Variants in MAPK6 observed in about 807,000 individuals in gnomAD.
MAPK6 encodes the protein mitogen-activated protein kinase 6.
A neutral mutation model predicts 59.3 loss-of-function variants in MAPK6; 19 were observed. The ratio of observed to expected loss-of-function variants is 0.32; its 90% CI spans 0.22 to 0.47. The LOEUF is 0.47. Ranked by LOEUF, MAPK6 falls within the 20% of genes least tolerant of loss-of-function variation. The pLI is 1.00. For synonymous variants in MAPK6, 316 were observed against 290.3 expected (o/e 1.09, Z -0.90); for missense variants, 724 against 847.9 (o/e 0.85, Z 1.81).
chr15:52,033,534 G>A (rs890063350), intron 1 of MAPK6, among the ~76,000 whole-genome samples: 5 of 152,142 alleles, frequency 3.3e-5, no homozygotes, highest in East Asian at 1.9e-4. Context: ...GGTCTGTCGG[G>A]GGTTCTCCAG....
chr15:51,988,210 A>C (rs987296815), intron 2 of MAPK6, among the ~76,000 whole-genome samples: 1 of 152,198 alleles, frequency 6.6e-6, no homozygotes, highest in African/African-American at 2.4e-5. Context: ...TCCAACATCT[A>C]AGGAAACTGA....
chr15:52,001,428 G>A (rs1400382242), intron 2 of MAPK6, among the ~76,000 whole-genome samples: 6 of 151,810 alleles, frequency 4.0e-5, no homozygotes, highest in African/African-American at 1.5e-4. Flanking sequence ...CCTTTTGCTA[G>A]TACCACACTT....
intron 3 of MAPK6, among the ~76,000 whole-genome samples, chr15:52,053,448 T>G (rs751027163): frequency 2.0e-5 from 3 of 152,208 alleles, no homozygotes; most frequent in Non-Finnish European, 4.4e-5. Flanking sequence ...CTATTGCCCA[T>G]TTTTTAAATT....
chr15:52,020,558 T>C (rs949521938), intron 1 of MAPK6, among the ~76,000 whole-genome samples: 1 of 152,194 alleles, frequency 6.6e-6, no homozygotes, highest in African/African-American at 2.4e-5. Flanking sequence ...TGATGGCTGA[T>C]TCTTCTAGCC....
intron 1 of MAPK6, among the ~76,000 whole-genome samples, chr15:51,978,097 A>G (rs2057162251): frequency 6.6e-6 from 1 of 151,716 alleles, no homozygotes; most frequent in African/African-American, 2.4e-5. Context: ...AGGAAAACCA[A>G]CAATGGAAAG....
chr15:51,974,448 A>C (rs1223304742), intron 1 of MAPK6, among the ~76,000 whole-genome samples: 1 of 151,138 alleles, frequency 6.6e-6, no homozygotes, highest in Admixed American at 6.6e-5. Context: ...CAAGGTCAGG[A>C]GATCGAGACC....
At position 52,064,904 on chromosome 15, in the gene MAPK6, T is replaced by C; in HGVS notation, c.2070T>C (p.Leu690=). Residue 690 remains leucine, a synonymous_variant, in exon 6 of 6, where the codon CTT becomes CTC. Coordinates refer to ENST00000261845, the MANE Select transcript of MAPK6 (RefSeq NM_002748.4). The stretch of plus-strand genomic sequence containing the variant: ...TTCACAGTCCAGTTGGGTCACCACT[T>C]AAGTCAATACAGGCCACATTAACAC... ...PQFHSPVGSP[L]KSIQATLTPS... is the part of the protein sequence containing the mutation. 1 of 1,611,960 alleles carries C rather than the reference T, an allele frequency of 6.2e-7. No homozygotes were observed. Among genetic ancestry groups the C allele is most frequent in the South Asian group, 1.1e-5 (1 of 90,980 alleles).
At chr15:52,034,265 G>A (rs888115345) in intron 1 of MAPK6, among the ~76,000 whole-genome samples, 5 of 151,776 alleles carry the variant, frequency 3.3e-5, no homozygotes, top group South Asian at 2.1e-4. Flanking sequence ...GATTATAGGC[G>A]TGAGCCACCA....
intron 2 of MAPK6, among the ~76,000 whole-genome samples, chr15:52,048,230 A>G (rs894117326): frequency 1.4e-4 from 21 of 151,828 alleles, no homozygotes; most frequent in South Asian, 2.1e-4. Flanking sequence ...GCTCATTGCA[A>G]CCTCCGCCTC....
At chr15:52,047,539 T>C (rs4542605) in intron 2 of MAPK6, among the ~76,000 whole-genome samples, 124,925 of 151,996 alleles carry the variant, frequency 0.82, 51,805 homozygotes, top group Non-Finnish European at 0.86. Context: ...GTAGACAGGG[T>C]TTCACCGTGT....
intron 2 of MAPK6, among the ~76,000 whole-genome samples, chr15:52,003,405 T>C (rs1216249988): frequency 1.8e-4 from 27 of 152,156 alleles, no homozygotes; most frequent in African/African-American, 4.8e-5. Context: ...ACTTCTGCCT[T>C]GATCAGTCAT....
chr15:52,062,028 T>C (rs576087665), intron 5 of MAPK6, among the ~76,000 whole-genome samples: 56 of 147,204 alleles, frequency 3.8e-4, no homozygotes, highest in Admixed American at 6.7e-4. Flanking sequence ...GGTAGTTATA[T>C]CTTAACATAA....
chr15:52,047,050 A>C, intron 2 of MAPK6, 35 bp downstream of exon 2: 1 of 1,427,412 alleles, frequency 7.0e-7, no homozygotes, highest in Non-Finnish European at 9.4e-7. Flanking sequence ...CAGATCTTTA[A>C]ACTGATACAC....
At position 52,065,589 on chromosome 15, in the gene MAPK6, TAATA is replaced by T. The variant is rs2141140586; in HGVS notation, c.*592_*595del. ...AGCGTTTATTGTAGTAAACTATTCT[TAATA>T]AAACTCACTCACTGTTTATAAATGT... On this transcript the variant is annotated 3_prime_UTR_variant, in exon 6 of 6. Transcript: ENST00000261845. The T allele has an allele frequency of 6.6e-6, 1 of 152,036 alleles. No individual in the cohort carries two copies. The highest frequency in any genetic ancestry group is 1.9e-4 in the East Asian group (1 of 5,192). 9.4% of individuals were successfully genotyped at this position (152,036 alleles called of 1,614,324 possible). A position where few individuals can be genotyped will look rare whatever the true frequency, so the allele number is the denominator to read the frequency against.
chr15:51,984,447 A>ATTTTTTTTTTTTTTTTTT lies in MAPK6; in HGVS notation c.-770+1144_-770+1161dup, dbSNP rs71130112. Reference sequence around the variant, plus strand: ...CAGGCGCCTGCCAACACGCCGGCTAATTTTTTTTTTTTTTTTTTTTTTTTT... The same window carrying ATTTTTTTTTTTTTTTTTT: ...CAGGCGCCTGCCAACACGCCGGCTAATTTTTTTTTTTTTTTTTTTTTTTTTTTTTTTTTTTTTTTTTTT... On this transcript the variant is annotated intron_variant, in intron 2 of 7. Coordinates refer to the MAPK6 transcript ENST00000691380. Among the ~76,000 whole-genome samples the ATTTTTTTTTTTTTTTTTT allele has an allele frequency of 5.0e-4, 35 of 69,976 alleles. 1 individual carries two copies. Among genetic ancestry groups the ATTTTTTTTTTTTTTTTTT allele is most frequent in the African/African-American group, 1.6e-3 (24 of 15,088 alleles). 45.9% of individuals were successfully genotyped at this position (69,976 alleles called of 152,430 possible). A position where few individuals can be genotyped will look rare whatever the true frequency, so the allele number is the denominator to read the frequency against.
chr15:52,020,586 A>G (rs1018188072), intron 1 of MAPK6, among the ~76,000 whole-genome samples: 27 of 152,212 alleles, frequency 1.8e-4, no homozygotes, highest in African/African-American at 4.6e-4. Context: ...TACAGTTCCA[A>G]TTGCACATGT....
At chr15:51,972,797 G>A (rs1362786071) in intron 1 of MAPK6, among the ~76,000 whole-genome samples, 1 of 150,782 alleles carries the variant, frequency 6.6e-6, no homozygotes, top group Non-Finnish European at 1.5e-5. Context: ...ACTCCAGCCT[G>A]GGCACGAGAC....
At chr15:52,058,946 AT>A in intron 4 of MAPK6, 149 bp downstream of exon 4, 1 of 541,034 alleles carries the variant, frequency 1.8e-6, no homozygotes. Flanking sequence ...TTCAACTCTC[AT>A]TTTCCCTTTT....
chr15:52,013,898 T>C (rs2030161024), intron 3 of MAPK6, among the ~76,000 whole-genome samples: 1 of 152,192 alleles, frequency 6.6e-6, no homozygotes, highest in Non-Finnish European at 1.5e-5. Context: ...TTGTATCCTT[T>C]ATGTTCCTCT....
Sources: allele counts gnomAD v4.1 joint callset (sites outside exome capture counted in the v4.1 genomes callset), GRCh38; gene constraint gnomAD v4.1.1; transcripts MANE v1.5; gene names NCBI Gene and HGNC (gene_info 2026-07-23, HGNC 2026-07-21).